Variants in ICE2 observed in about 807,000 individuals in gnomAD.
ICE2 encodes little elongation complex subunit 2.
A neutral mutation model predicts 105.4 loss-of-function variants in ICE2; 87 were observed. That is an observed-to-expected ratio of 0.83 (90% confidence interval 0.69 to 0.99). ICE2 has a LOEUF of 0.99. ICE2 is among the 50% of genes least tolerant of loss of function. ICE2 has a pLI of 0.00. For missense variants in ICE2, 1,323 were observed against 1,146.7 expected, an observed-to-expected ratio of 1.15 and a Z score of -2.22; for synonymous variants, 399 against 392.0, an observed-to-expected ratio of 1.02 and a Z score of -0.21.
intron 12 of ICE2, 21 bp from the exon 13 acceptor site, chr15:60,436,248 TAGAA>T (rs2063584127): frequency 6.8e-6 from 7 of 1,022,810 alleles, no homozygotes; most frequent in African/African-American, 3.4e-5. Flanking sequence ...ATATCAAACT[TAGAA>T]AGAAGAAGCA....
chr15:60,424,903 A>G (rs193080170), intron 15 of ICE2, among the ~76,000 whole-genome samples: 90 of 152,352 alleles, frequency 5.9e-4, no homozygotes, highest in African/African-American at 2.0e-3. Context: ...CTCACAGAGA[A>G]GGACCAAAGC....
intron 11 of ICE2, chr15:60,445,757 G>C (rs1417586349): frequency 2.0e-6 from 2 of 985,266 alleles, no homozygotes; most frequent in Non-Finnish European, 2.4e-6. Context: ...TTACTTAAGA[G>C]ATACCGGCCA....
intron 3 of ICE2, among the ~76,000 whole-genome samples, chr15:60,469,397 G>A (rs574853995): frequency 1.3e-5 from 2 of 152,066 alleles, no homozygotes; most frequent in African/African-American, 4.8e-5. Context: ...CATGGCACAC[G>A]TTTACCTACG....
At position 60,453,800 on chromosome 15, in the gene ICE2, A is replaced by G; in HGVS notation, c.944-16T>C. 6.5e-7 allele frequency: 1 copy of G among 1,536,104 alleles called. No homozygotes were observed. The highest frequency in any genetic ancestry group is 9.0e-7 in the Non-Finnish European group (1 of 1,114,438). Reference sequence around the variant, plus strand: ...GGTTTTGAACCTTAAAACAGAAACCAAAGAAAAGAGGTGATTAGTATCTAA... The same window carrying G: ...GGTTTTGAACCTTAAAACAGAAACCGAAGAAAAGAGGTGATTAGTATCTAA... On this transcript the variant is annotated splice_polypyrimidine_tract_variant and intron_variant, in intron 8 of 15. Transcript: ENST00000261520.
intron 11 of ICE2, among the ~76,000 whole-genome samples, chr15:60,443,783 TAGG>T (rs1566980562): frequency 6.6e-6 from 1 of 152,082 alleles, no homozygotes; most frequent in East Asian, 1.9e-4. Context: ...TCAGAGCAAA[TAGG>T]AGGTCGAGAT....
At chr15:60,468,810 C>T (rs1256594400) in intron 3 of ICE2, among the ~76,000 whole-genome samples, 1 of 152,184 alleles carries the variant, frequency 6.6e-6, no homozygotes, top group Non-Finnish European at 1.5e-5. Context: ...CTCTGCTTAT[C>T]TCAAAAATTA....
At chr15:60,466,450 A>G (rs2064430087) in intron 5 of ICE2, 144 bp downstream of exon 5, 1 of 785,630 alleles carries the variant, frequency 1.3e-6, no homozygotes, top group African/African-American at 1.8e-5. Context: ...CTACTATTTT[A>G]ATGCATGATG....
chr15:60,427,415 T>C (rs986512621), intron 15 of ICE2, among the ~76,000 whole-genome samples: 3 of 152,164 alleles, frequency 2.0e-5, no homozygotes, highest in African/African-American at 7.2e-5. Flanking sequence ...AGAGCAAAAC[T>C]TTTTTCTTTC....
At chr15:60,441,511 C>T (rs1053005328) in intron 12 of ICE2, 2 of 152,044 alleles carry the variant, frequency 1.3e-5, no homozygotes, top group African/African-American at 2.4e-5. Context: ...AGACTCTGAC[C>T]TTAAGCTGTT....
chr15:60,419,685 A>C lies in ICE2; in HGVS notation c.*3949T>G, dbSNP rs2063222607. ...ATAAATCTTAATATCAAATACGTTAAGGTTTGATTAAAAACTACTACATAC... is the reference window on the plus strand; with the variant it reads ...ATAAATCTTAATATCAAATACGTTACGGTTTGATTAAAAACTACTACATAC... On this transcript the variant is annotated 3_prime_UTR_variant, in exon 16 of 16. Transcript: ENST00000261520. 1 of 151,988 alleles carries C rather than the reference A, an allele frequency of 6.6e-6. No homozygotes were observed. The highest frequency in any genetic ancestry group is 1.5e-5 in the Non-Finnish European group (1 of 68,018). The allele number at this position is 151,988 out of a possible 1,614,324, so 9.4% of individuals were successfully genotyped here.
chr15:60,460,682 G>A (rs1291148328), intron 5 of ICE2, among the ~76,000 whole-genome samples: 1 of 152,018 alleles, frequency 6.6e-6, no homozygotes, highest in Non-Finnish European at 1.5e-5. Flanking sequence ...AGCACCTCTG[G>A]CTCTACCCAC....
chr15:60,460,175 G>C (rs1057137734), intron 5 of ICE2, among the ~76,000 whole-genome samples: 1 of 152,084 alleles, frequency 6.6e-6, no homozygotes. Context: ...CAGACATACA[G>C]ATTAATGGAA....
At chr15:60,438,821 A>T (rs985956448) in intron 12 of ICE2, 2 of 152,222 alleles carry the variant, frequency 1.3e-5, no homozygotes, top group Non-Finnish European at 2.9e-5. Context: ...TCAGCCCTTC[A>T]GGCAGCTCAG....
At chr15:60,478,305 G>A (rs901583761) in intron 1 of ICE2, among the ~76,000 whole-genome samples, 4 of 152,196 alleles carry the variant, frequency 2.6e-5, no homozygotes, top group Admixed American at 2.6e-4. Flanking sequence ...ATGGAAATAA[G>A]AGCTGAAACA....
Position 60,448,104 on chromosome 15 carries a change from C to G in ICE2, c.2161G>C (p.Glu721Gln). Residue 721 changes from glutamate (E) to glutamine (Q), a missense_variant, in exon 11 of 16, where the codon GAA becomes CAA. Physicochemically the swap from Glu to Gln is conservative, Grantham distance 29 (BLOSUM62 2). Coordinates refer to ENST00000261520, the MANE Select transcript of ICE2 (RefSeq NM_024611.6). Reference sequence around the variant, plus strand: ...TTTCCTTCCTGAGGAGCTAGGTATTCCGATGTATCTTCAACATAGTCCTGA... The same window carrying G: ...TTTCCTTCCTGAGGAGCTAGGTATTGCGATGTATCTTCAACATAGTCCTGA... The part of the protein sequence containing the change: ...ELQDYVEDTS[E>Q]YLAPQEGNFV... 2 of 1,612,828 alleles carry G rather than the reference C, an allele frequency of 1.2e-6. No homozygotes were observed. The highest frequency in any genetic ancestry group is 1.1e-5 in the South Asian group (1 of 91,034).
chr15:60,438,392 C>T (rs2063643664), intron 12 of ICE2: 1 of 152,086 alleles, frequency 6.6e-6, no homozygotes, highest in Admixed American at 6.6e-5. Flanking sequence ...GCTTTATGCT[C>T]ATACAAATAA....
rs1021721196 is a variant in ICE2, at chr15:60,422,172, TACTC to T, written c.*1458_*1461del. The T allele has an allele frequency of 1.2e-4, 18 of 151,870 alleles. No individual in the cohort carries two copies. Among genetic ancestry groups the T allele is most frequent in the Admixed American group, 1.1e-3 (17 of 15,244 alleles). 9.4% of individuals were successfully genotyped at this position (151,870 alleles called of 1,614,324 possible). A position where few individuals can be genotyped will look rare whatever the true frequency, so the allele number is the denominator to read the frequency against. ...TCTTTGAGACAGGGTCACACTCTGA[TACTC>T]AAGCTGAGTTCTGTGGTGCGATCAC... On this transcript the variant is annotated 3_prime_UTR_variant, in exon 16 of 16. Coordinates refer to ENST00000261520, the MANE Select transcript of ICE2 (RefSeq NM_024611.6).
At chr15:60,447,543 C>G (rs1566983591) in intron 11 of ICE2, 1 of 153,128 alleles carries the variant, frequency 6.5e-6, no homozygotes, top group Admixed American at 6.5e-5. Context: ...TCATATCCAC[C>G]ATATACATAG....
rs1416064045 is a variant in ICE2 at position 60,449,772 on chromosome 15, C to A, written c.1195G>T (p.Asp399Tyr). 2 of 1,614,038 alleles carry A rather than the reference C, an allele frequency of 1.2e-6. No homozygotes were observed. Among genetic ancestry groups the A allele is most frequent in the African/African-American group, 2.7e-5 (2 of 75,020 alleles). The change falls in exon 10 of 16, where the codon GAT becomes TAT. Residue 399 changes from aspartate (D) to tyrosine (Y), a missense_variant. By Grantham distance (160) the Asp-to-Tyr change is radical. Transcript: ENST00000261520. ...CCAAAAGTTTCAAGTTCTGTGACAT[C>A]ATCATCAAAATCCAAATACAAGTTT... Reference protein sequence around the residue: ...LENLYLDFDDDVTELETFGVT... With the variant: ...LENLYLDFDDYVTELETFGVT...
Sources: gnomAD v4.1 joint callset for allele counts (sites outside exome capture counted in the v4.1 genomes callset) on GRCh38, gnomAD v4.1.1 for gene constraint, MANE v1.5 for transcripts, NCBI Gene and HGNC (gene_info 2026-07-23, HGNC 2026-07-21) for gene names.